Variants in SULF1 observed in about 807,000 individuals in gnomAD.
SULF1 encodes the protein sulfatase 1.
SULF1 carries 46 observed loss-of-function variants against 110.5 expected under a neutral mutation model. The observed-to-expected ratio is 0.42, with a 90% CI of 0.33 to 0.53. The LOEUF is 0.53. Ranked by LOEUF, SULF1 falls within the 20% of genes least tolerant of loss-of-function variation. The pLI is 0.12. For synonymous variants in SULF1, 371 were observed against 387.1 expected (o/e 0.96, Z 0.49); for missense variants, 941 against 1,094.2 (o/e 0.86, Z 1.98).
intron 1 of SULF1, among the ~76,000 whole-genome samples, chr8:69,474,151 T>A (rs1028439533): frequency 8.5e-5 from 13 of 152,200 alleles, no homozygotes; most frequent in Non-Finnish European, 5.9e-5. Context: ...ACAGGCATAA[T>A]CTGCTATATT....
chr8:69,598,545 C>T (rs1249948500), intron 8 of SULF1, among the ~76,000 whole-genome samples: 1 of 152,162 alleles, frequency 6.6e-6, no homozygotes. Flanking sequence ...GCGCCCGCCA[C>T]CATGCCCAGC....
At chr8:69,573,228 G>A (rs778026163) in intron 5 of SULF1, among the ~76,000 whole-genome samples, 10 of 151,966 alleles carry the variant, frequency 6.6e-5, no homozygotes, top group Non-Finnish European at 8.8e-5. Context: ...GTGGACTGGT[G>A]GGAGCCAGGG....
intron 6 of SULF1, among the ~76,000 whole-genome samples, chr8:69,577,589 A>G (rs1324513964): frequency 6.6e-6 from 1 of 152,202 alleles, no homozygotes; most frequent in Non-Finnish European, 1.5e-5. Context: ...GACATTTGTC[A>G]TAAGAAATAG....
chr8:69,473,797 A>G (rs1438626672), intron 1 of SULF1, among the ~76,000 whole-genome samples: 2 of 152,214 alleles, frequency 1.3e-5, no homozygotes, highest in Non-Finnish European at 2.9e-5. Flanking sequence ...TGAGCAACAA[A>G]CTGCTGTAAC....
chr8:69,572,181 G>C (rs573328766), intron 5 of SULF1, among the ~76,000 whole-genome samples: 1 of 152,258 alleles, frequency 6.6e-6, no homozygotes, highest in Admixed American at 6.5e-5. Context: ...GCAAGCAGAC[G>C]TCAATTCTGT....
At chr8:69,564,592 T>C (rs944002906) in intron 5 of SULF1, among the ~76,000 whole-genome samples, 2 of 152,246 alleles carry the variant, frequency 1.3e-5, no homozygotes, top group African/African-American at 2.4e-5. Context: ...CAGTTTGTTA[T>C]AGTAATTGTT....
chr8:69,495,239 T>TG (rs1396131570), intron 1 of SULF1, among the ~76,000 whole-genome samples: 5 of 152,126 alleles, frequency 3.3e-5, no homozygotes, highest in Non-Finnish European at 7.3e-5. Flanking sequence ...AATTATCATC[T>TG]GGATGTGGTG....
At chr8:69,568,719 G>A (rs1357661372) in intron 5 of SULF1, among the ~76,000 whole-genome samples, 4 of 152,102 alleles carry the variant, frequency 2.6e-5, no homozygotes, top group Non-Finnish European at 5.9e-5. Flanking sequence ...CAGAGTTTTA[G>A]GCTAGAATAA....
At chr8:69,530,272 AG>A (rs1240133133) in intron 3 of SULF1, among the ~76,000 whole-genome samples, 1 of 152,138 alleles carries the variant, frequency 6.6e-6, no homozygotes, top group African/African-American at 2.4e-5. Context: ...TTGAGCAAAA[AG>A]AAAAAGTAAT....
intron 9 of SULF1, among the ~76,000 whole-genome samples, chr8:69,601,401 G>A (rs1170838550): frequency 2.6e-5 from 4 of 152,048 alleles, no homozygotes; most frequent in Non-Finnish European, 5.9e-5. Flanking sequence ...TTTTGTTTTT[G>A]TTCTACCAAA....
intron 3 of SULF1, among the ~76,000 whole-genome samples, chr8:69,547,184 G>T (rs1814322853): frequency 6.7e-6 from 1 of 149,556 alleles, no homozygotes; most frequent in Non-Finnish European, 1.5e-5. Flanking sequence ...GCAGGAGGAG[G>T]TGGGGTGGGG....
chr8:69,493,915 A>T (rs1810136298), intron 1 of SULF1, among the ~76,000 whole-genome samples: 1 of 152,364 alleles, frequency 6.6e-6, no homozygotes, highest in South Asian at 2.1e-4. Flanking sequence ...ACAAGAGGTG[A>T]ATTTAAAACT....
intron 3 of SULF1, among the ~76,000 whole-genome samples, chr8:69,510,751 G>A (rs372020743): frequency 6.6e-6 from 1 of 151,844 alleles, no homozygotes; most frequent in African/African-American, 2.4e-5. Flanking sequence ...CAGGTAGCTG[G>A]GATTACAGGT....
At chr8:69,558,143 T>C in intron 3 of SULF1, among the ~76,000 whole-genome samples, 1 of 152,102 alleles carries the variant, frequency 6.6e-6, no homozygotes, top group East Asian at 1.9e-4. Flanking sequence ...AAAGAAGTAA[T>C]CTCTGGGAGA....
At chr8:69,473,931 C>T (rs374648187) in intron 1 of SULF1, among the ~76,000 whole-genome samples, 6 of 152,246 alleles carry the variant, frequency 3.9e-5, no homozygotes, top group African/African-American at 1.2e-4. Context: ...CTTCATAGTA[C>T]GCAAATAATT....
At chr8:69,578,755 A>C (rs571602031) in intron 6 of SULF1, among the ~76,000 whole-genome samples, 1 of 151,976 alleles carries the variant, frequency 6.6e-6, no homozygotes, top group Non-Finnish European at 1.5e-5. Context: ...CTGTTTCTAA[A>C]CCTTTTCCCC....
chr8:69,616,055 C>T (rs1017544569), intron 13 of SULF1, among the ~76,000 whole-genome samples: 1 of 148,964 alleles, frequency 6.7e-6, no homozygotes, highest in African/African-American at 2.5e-5. Context: ...TATATATATA[C>T]ACACACATAT....
chr8:69,591,371 T>G (rs1214352199), intron 8 of SULF1, among the ~76,000 whole-genome samples: 1 of 151,690 alleles, frequency 6.6e-6, no homozygotes, highest in Admixed American at 6.6e-5. Flanking sequence ...TGGCTAACAC[T>G]GTGAAACACT....
In SULF1 at chr8:69,659,110, G is replaced by C. The variant is rs1469064850; in HGVS notation, c.*575G>C. 1 of 456,716 alleles carries C rather than the reference G, an allele frequency of 2.2e-6. No homozygotes were observed. The highest frequency in any genetic ancestry group is 4.4e-6 in the Non-Finnish European group (1 of 227,002). 28.3% of individuals were successfully genotyped at this position (456,716 alleles called of 1,614,324 possible). On this transcript the variant is annotated 3_prime_UTR_variant, in exon 23 of 23. Transcript: ENST00000402687. ...CCCGAAAGAACTTCCCCAGTATGGT[G>C]GTCCTGGAAAGGACATTTTTGAAGA...
Sources: gnomAD v4.1 joint callset for allele counts (sites outside exome capture counted in the v4.1 genomes callset) on GRCh38, gnomAD v4.1.1 for gene constraint, MANE v1.5 for transcripts, NCBI Gene and HGNC (gene_info 2026-07-23, HGNC 2026-07-21) for gene names.